Variants in DUT observed in about 807,000 individuals in gnomAD.
The protein encoded by DUT is deoxyuridine triphosphatase.
A neutral mutation model predicts 28.8 loss-of-function variants in DUT; 21 were observed. That is an observed-to-expected ratio of 0.73 (90% CI 0.52 to 1.05). The LOEUF (loss-of-function observed/expected upper bound fraction) is 1.05. Among genes scored for constraint, DUT ranks in the 50% least tolerant of loss-of-function variants. The pLI, the probability that DUT is intolerant of heterozygous loss-of-function variation, is 0.00. For synonymous variants in DUT, 147 were observed against 143.7 expected (o/e 1.02, Z -0.17); for missense variants, 344 against 351.8 (o/e 0.98, Z 0.18).
At chr15:48,334,559 A>G in intron 3 of DUT, 51 bp downstream of exon 3, 1 of 1,353,518 alleles carries the variant, frequency 7.4e-7, no homozygotes, top group Non-Finnish European at 1.1e-6. Context: ...CCTTTGTGAT[A>G]GATTCTTCAT....
chr15:48,341,655 G>T, intron 6 of DUT, 70 bp downstream of exon 6: 1 of 1,306,820 alleles, frequency 7.7e-7, no homozygotes, highest in South Asian at 1.3e-5. Flanking sequence ...ATATAATCTT[G>T]AGAATTTAAT....
At chr15:48,333,194 G>T (rs553803542) in intron 2 of DUT, among the ~76,000 whole-genome samples, 1 of 151,916 alleles carries the variant, frequency 6.6e-6, no homozygotes, top group Non-Finnish European at 1.5e-5. Flanking sequence ...TTATTTTAAA[G>T]TATCTCAGAT....
upstream of DUT, chr15:48,331,279 G>A (rs1393987180): frequency 1.4e-6 from 2 of 1,453,156 alleles, no homozygotes; most frequent in Non-Finnish European, 1.8e-6. Flanking sequence ...GAAAGCAAGA[G>A]GGCTAGGCAG....
At position 48,342,864 on chromosome 15, in the gene DUT, A is replaced by G. The variant is rs2042555794; in HGVS notation, c.*786A>G. 1 of 152,212 alleles carries G rather than the reference A, an allele frequency of 6.6e-6. No homozygotes were observed. The highest frequency in any genetic ancestry group is 1.5e-5 in the Non-Finnish European group (1 of 68,032). 9.4% of individuals were successfully genotyped at this position (152,212 alleles called of 1,614,324 possible). A position where few individuals can be genotyped will look rare whatever the true frequency, so the allele number is the denominator to read the frequency against. ...CTGTAATCAAGAAAATATGCCATTT[A>G]TAGAGATAAGATAAATGAAATAATA... On this transcript the variant is annotated 3_prime_UTR_variant, in exon 7 of 7. Coordinates refer to ENST00000331200, the MANE Select transcript of DUT (RefSeq NM_001025248.2).
chr15:48,342,915 CACAT>C lies in DUT; in HGVS notation c.*843_*846del, dbSNP rs1324478990. 5.9e-5 allele frequency: 9 copies of C among 152,328 alleles called. No individual in the cohort carries two copies. The highest frequency in any genetic ancestry group is 3.3e-4 in the Admixed American group (5 of 15,300). The allele number at this position is 152,328 out of a possible 1,614,324, so 9.4% of individuals were successfully genotyped here. A position where few individuals can be genotyped will look rare whatever the true frequency, so the allele number is the denominator to read the frequency against. On this transcript the variant is annotated 3_prime_UTR_variant, in exon 7 of 7. Coordinates refer to ENST00000331200, the MANE Select transcript of DUT (RefSeq NM_001025248.2). Reference sequence around the variant, plus strand: ...CTTCAGCCACCAGGTTTTTCTGTCTCACATACATAAGCAGCATTTCATTGCAGAT... The same window carrying C: ...CTTCAGCCACCAGGTTTTTCTGTCTCACATAAGCAGCATTTCATTGCAGAT...
chr15:48,331,997 C>G, intron 1 of DUT: 1 of 910,532 alleles, frequency 1.1e-6, no homozygotes. Context: ...AAGTTGGCCC[C>G]ACGCGCTGAA....
At chr15:48,332,027 C>T (rs1008378715) in intron 1 of DUT, 45 of 982,136 alleles carry the variant, frequency 4.6e-5, no homozygotes, top group South Asian at 6.0e-5. Flanking sequence ...TTGACTGGGA[C>T]CCAGTAGTTT....
At position 48,332,416 on chromosome 15, in the gene DUT, G is replaced by A. The variant is rs765086258; in HGVS notation, c.419+10G>A. 6.5e-7 allele frequency: 1 copy of A among 1,534,396 alleles called. No individual in the cohort carries two copies. The highest frequency in any genetic ancestry group is 8.7e-7 in the Non-Finnish European group (1 of 1,147,624). On this transcript the variant is annotated intron_variant, in intron 2 of 6. Transcript: ENST00000331200. ...GCTACGACCTGTACAGGTGAGCGGGGACCTGCCGGCGAGGAGGCTGGGAAG... is the reference window on the plus strand; with the variant it reads ...GCTACGACCTGTACAGGTGAGCGGGAACCTGCCGGCGAGGAGGCTGGGAAG...
intron 1 of DUT, 165 bp downstream of exon 1, chr15:48,331,960 G>A: frequency 1.1e-6 from 1 of 874,270 alleles, no homozygotes; most frequent in East Asian, 3.2e-5. Flanking sequence ...TAGTGTGTGA[G>A]GGCGACGCCC....
Position 48,332,258 on chromosome 15 carries a change from T to C in DUT, c.281-10T>C, listed in dbSNP as rs762056331. 3 of 1,603,320 alleles carry C rather than the reference T, an allele frequency of 1.9e-6. No homozygotes were observed. Among genetic ancestry groups the C allele is most frequent in the Non-Finnish European group, 2.6e-6 (3 of 1,176,202 alleles). ...CTCGCCTTCTGGCTCTGCCATGCCC[T>C]GCTCTGAAGAGACACCCGCCATTTC... is the stretch of plus-strand genomic sequence containing the variant. On this transcript the variant is annotated splice_polypyrimidine_tract_variant and intron_variant, in intron 1 of 6. Transcript: ENST00000331200.
chr15:48,331,113 G>T, upstream of DUT: 1 of 1,259,256 alleles, frequency 7.9e-7, no homozygotes, highest in Non-Finnish European at 1.0e-6. Flanking sequence ...TGTCACCGGC[G>T]CCGAGATGCG....
rs2042411656 is a variant in DUT at position 48,331,670 on chromosome 15, G to A, written c.155G>A (p.Gly52Glu). 1 of 1,534,090 alleles carries A rather than the reference G, an allele frequency of 6.5e-7. No homozygotes were observed. Reference sequence around the variant, plus strand: ...CCCCTCGGCCGCGCCGCGCAGCACGGGATTCCCCGGCCGCTGTCCAGCGCT... The same window carrying A: ...CCCCTCGGCCGCGCCGCGCAGCACGAGATTCCCCGGCCGCTGTCCAGCGCT... ...GPPLGRAAQH[G>E]IPRPLSSAGR... is the part of the protein sequence containing the mutation. Residue 52 changes from glycine (G) to glutamate (E), a missense_variant, in exon 1 of 7, where the codon GGG becomes GAG. Gly to Glu is a moderately conservative substitution (Grantham distance 98). Transcript: ENST00000331200.
rs2042517317 is a variant in DUT, at chr15:48,340,082, G to C, written c.557-1207G>C. 4 of 152,104 alleles carry C rather than the reference G, an allele frequency of 2.6e-5. No homozygotes were observed. The South Asian group carries it at 8.3e-4, about 31-fold the overall frequency. The allele number at this position is 152,104 out of a possible 1,614,324, so 9.4% of individuals were successfully genotyped here. On this transcript the variant is annotated intron_variant, in intron 4 of 6. Transcript: ENST00000331200. The stretch of plus-strand genomic sequence containing the variant: ...AAATAATGAGGAGTATGGGCAAATA[G>C]CATTACTGCCCATTGAGCTGAACAC...
chr15:48,332,022 TG>T, intron 1 of DUT: 1 of 975,384 alleles, frequency 1.0e-6, no homozygotes, highest in Non-Finnish European at 1.4e-6. Flanking sequence ...GAAAGTTGAC[TG>T]GGACCCAGTA....
At chr15:48,341,157 C>T in intron 4 of DUT, 132 bp from the exon 5 acceptor site, 1 of 590,900 alleles carries the variant, frequency 1.7e-6, no homozygotes, top group South Asian at 2.5e-5. Context: ...TACATAGTAC[C>T]AGGGCAAGAT....
chr15:48,340,958 T>C (rs1350359163), intron 4 of DUT, among the ~76,000 whole-genome samples: 1 of 152,198 alleles, frequency 6.6e-6, no homozygotes, highest in Admixed American at 6.5e-5. Context: ...ACCCAAATCG[T>C]AATTTTCTCC....
intron 1 of DUT, 85 bp downstream of exon 1, chr15:48,331,880 T>C: frequency 4.9e-6 from 1 of 205,818 alleles, no homozygotes; most frequent in East Asian, 2.0e-4. Flanking sequence ...TGGCGAGCGG[T>C]CCTTCTGCGC....
chr15:48,331,533 T>C lies in DUT; in HGVS notation c.18T>C (p.Pro6=). The change falls in exon 1 of 7, where the codon CCT becomes CCC. Residue 6 remains proline, a synonymous_variant. Coordinates refer to ENST00000331200, the MANE Select transcript of DUT (RefSeq NM_001025248.2). ...TGGGGGAAATGACTCCCCTCTGCCCTCGCCCCGCGCTCTGCTACCATTTCC... is the reference window on the plus strand; with the variant it reads ...TGGGGGAAATGACTCCCCTCTGCCCCCGCCCCGCGCTCTGCTACCATTTCC... MTPLC[P]RPALCYHFLT... is the part of the protein sequence containing the mutation. The C allele has an allele frequency of 6.2e-7, 1 of 1,611,586 alleles. No individual in the cohort carries two copies.
rs1452905820 is a variant in DUT, at chr15:48,331,690, AGC to A, written c.178_179del (p.Ala60TrpfsTer24). Reference protein sequence around the residue: ...AQHGIPRPLSSAGRLSQGCRG... With the variant: ...AQHGIPRPLSXAGRLSQGCRG... ...GCACGGGATTCCCCGGCCGCTGTCCAGCGCTGGCCGCCTGAGCCAAGGCTGCC... is the reference window on the plus strand; with the variant it reads ...GCACGGGATTCCCCGGCCGCTGTCCAGCTGGCCGCCTGAGCCAAGGCTGCC... On this transcript the variant is annotated frameshift_variant, in exon 1 of 7. Transcript: ENST00000331200. LOFTEE classifies it high-confidence loss of function. 1 of 1,522,928 alleles carries A rather than the reference AGC, an allele frequency of 6.6e-7. No individual in the cohort carries two copies. The highest frequency in any genetic ancestry group is 2.1e-5 in the Admixed American group (1 of 48,664). The allele number at this position is 1,522,928 out of a possible 1,614,324, so 94.3% of individuals were successfully genotyped here. A position where few individuals can be genotyped will look rare whatever the true frequency, so the allele number is the denominator to read the frequency against.
Sources: gnomAD v4.1 joint callset for allele counts (sites outside exome capture counted in the v4.1 genomes callset) on GRCh38, gnomAD v4.1.1 for gene constraint, MANE v1.5 for transcripts, NCBI Gene and HGNC (gene_info 2026-07-23, HGNC 2026-07-21) for gene names.